Variants in BCAT1 observed in about 807,000 individuals in gnomAD.
BCAT1 encodes the protein branched-chain-amino-acid aminotransferase, cytosolic.
In BCAT1, 48 loss-of-function variants were observed where a neutral mutation model predicts 52.4. The observed-to-expected ratio is 0.92, with a 90% CI of 0.73 to 1.16. BCAT1 has a LOEUF of 1.16. Among genes scored for constraint, BCAT1 ranks in the 50% most tolerant of loss-of-function variants. The pLI is 0.00. For missense variants in BCAT1, 451 were observed against 457.1 expected (o/e 0.99, Z 0.12); for synonymous variants, 167 against 161.3 (o/e 1.04, Z -0.27).
intron 5 of BCAT1, among the ~76,000 whole-genome samples, chr12:24,860,282 CAA>C (rs1350793490): frequency 1.3e-5 from 2 of 152,160 alleles, no homozygotes; most frequent in Non-Finnish European, 2.9e-5. Context: ...AAATATTGAG[CAA>C]ACAGGAATTA....
intron 1 of BCAT1, among the ~76,000 whole-genome samples, chr12:24,924,027 A>G (rs913047698): frequency 6.6e-6 from 1 of 152,248 alleles, no homozygotes; most frequent in Non-Finnish European, 1.5e-5. Flanking sequence ...AATCTGCATG[A>G]TGGCATAATT....
intron 7 of BCAT1, among the ~76,000 whole-genome samples, chr12:24,840,342 G>T (rs1191221326): frequency 6.6e-6 from 1 of 152,086 alleles, no homozygotes; most frequent in Non-Finnish European, 1.5e-5. Flanking sequence ...AGTTTGGGGT[G>T]GGGGTAAGAG....
In BCAT1 at chr12:24,828,154, C is replaced by G. The variant is rs184699519; in HGVS notation, c.1119+1669G>C. On this transcript the variant is annotated intron_variant, in intron 10 of 10. Transcript: ENST00000261192. ...TTTCACTTAGTTTCATGACTTAATG[C>G]CATCCGACATCACTCAAATGATCAA... Among the ~76,000 whole-genome samples, 292 of 152,288 alleles carry G rather than the reference C, an allele frequency of 1.9e-3. 1 individual carries two copies. The highest frequency in any genetic ancestry group is 6.9e-3 in the African/African-American group (286 of 41,562).
intron 1 of BCAT1, among the ~76,000 whole-genome samples, chr12:24,916,914 A>T (rs7954529): frequency 0.32 from 49,412 of 152,122 alleles, 9,496 homozygotes; most frequent in Middle Eastern, 0.55. Flanking sequence ...TAGTTTCCAA[A>T]TTCTGAAGAA....
intron 4 of BCAT1, among the ~76,000 whole-genome samples, 166 bp from the exon 5 acceptor site, chr12:24,878,815 A>C (rs1416101729): frequency 3.9e-5 from 6 of 152,206 alleles, no homozygotes; most frequent in Admixed American, 6.5e-5. Context: ...ATTTTTATTT[A>C]TTTCTTTCTT....
chr12:24,872,463 G>A (rs1177603064), intron 5 of BCAT1, among the ~76,000 whole-genome samples: 1 of 152,188 alleles, frequency 6.6e-6, no homozygotes, highest in East Asian at 1.9e-4. Context: ...TATGAGAGAT[G>A]ATTAAAATGT....
intron 6 of BCAT1, among the ~76,000 whole-genome samples, chr12:24,843,025 C>T (rs1188374126): frequency 2.6e-5 from 4 of 152,058 alleles, no homozygotes; most frequent in East Asian, 1.9e-4. Context: ...GACTGCTTGC[C>T]TCCCTACACC....
chr12:24,936,770 T>G (rs2139753626), intron 1 of BCAT1, among the ~76,000 whole-genome samples: 1 of 119,566 alleles, frequency 8.4e-6, no homozygotes, highest in East Asian at 2.2e-4. Flanking sequence ...CACACCCCTT[T>G]GCTTCCACTG....
intron 5 of BCAT1, among the ~76,000 whole-genome samples, chr12:24,877,811 C>T (rs1195938852): frequency 6.6e-6 from 1 of 152,138 alleles, no homozygotes; most frequent in Admixed American, 6.5e-5. Flanking sequence ...TGCATTTACT[C>T]ATTTATGTGC....
At chr12:24,863,052 A>G (rs1198336944) in intron 5 of BCAT1, among the ~76,000 whole-genome samples, 1 of 152,238 alleles carries the variant, frequency 6.6e-6, no homozygotes, top group African/African-American at 2.4e-5. Context: ...AGCCCTGTTC[A>G]AAGAAAAAAG....
intron 6 of BCAT1, among the ~76,000 whole-genome samples, chr12:24,847,104 G>A (rs112135214): frequency 0.015 from 2,337 of 152,260 alleles, 26 homozygotes; most frequent in Middle Eastern, 0.037. Flanking sequence ...CTTAATCTGT[G>A]CAAGGTATTA....
At chr12:24,841,994 C>T (rs1941189760) in intron 7 of BCAT1, 88 bp downstream of exon 7, 1 of 1,439,626 alleles carries the variant, frequency 6.9e-7, no homozygotes, top group Non-Finnish European at 9.5e-7. Flanking sequence ...GTGCTACTTA[C>T]TCCCTTGTAC....
intron 1 of BCAT1, chr12:24,902,684 T>C: frequency 7.5e-6 from 4 of 533,370 alleles, no homozygotes; most frequent in Non-Finnish European, 1.2e-5. Context: ...GTGGCGGTCC[T>C]CGCCACGCTC....
chr12:24,818,374 T>C (rs570872214), intron 10 of BCAT1, among the ~76,000 whole-genome samples: 42 of 152,356 alleles, frequency 2.8e-4, no homozygotes, highest in African/African-American at 9.6e-4. Flanking sequence ...ACATGCCTTT[T>C]CATTATCATT....
At chr12:24,947,714 T>A (rs1383458124) in intron 1 of BCAT1, among the ~76,000 whole-genome samples, 1 of 152,222 alleles carries the variant, frequency 6.6e-6, no homozygotes, top group African/African-American at 2.4e-5. Flanking sequence ...CAAAAACGCG[T>A]AATTAACCAC....
chr12:24,930,894 C>T (rs545346049), intron 1 of BCAT1, among the ~76,000 whole-genome samples: 24 of 128,670 alleles, frequency 1.9e-4, no homozygotes, highest in African/African-American at 7.0e-4. Flanking sequence ...TGGAACAGGG[C>T]CCTTTTTTTT....
chr12:24,901,336 T>C (rs1457674310), intron 2 of BCAT1, among the ~76,000 whole-genome samples: 1 of 152,218 alleles, frequency 6.6e-6, no homozygotes, highest in Non-Finnish European at 1.5e-5. Context: ...ACATTTGTAT[T>C]TGTACAGTTT....
chr12:24,900,802 A>G (rs190924151), intron 2 of BCAT1, among the ~76,000 whole-genome samples: 268 of 152,260 alleles, frequency 1.8e-3, no homozygotes, highest in African/African-American at 6.1e-3. Context: ...GTGATGGCAC[A>G]TGCCTGTAAT....
chr12:24,937,384 A>G (rs539366860), intron 1 of BCAT1, among the ~76,000 whole-genome samples: 12 of 152,344 alleles, frequency 7.9e-5, no homozygotes, highest in African/African-American at 2.6e-4. Context: ...GGCTGTAAAG[A>G]TGAGAAGGAC....
Sources: allele counts gnomAD v4.1 joint callset (sites outside exome capture counted in the v4.1 genomes callset), GRCh38; gene constraint gnomAD v4.1.1; transcripts MANE v1.5; gene names NCBI Gene and HGNC (gene_info 2026-07-23, HGNC 2026-07-21).